The following ODAD3 variants were observed in gnomAD, a reference collection of about 807,000 sequenced individuals.
ODAD3 encodes outer dynein arm docking complex subunit 3.
ODAD3 carries 57 observed loss-of-function variants against 70.9 expected under a neutral mutation model. The observed-to-expected ratio is 0.80, with a 90% CI of 0.65 to 1.00. ODAD3 has a LOEUF of 1.00. Ranked by LOEUF, ODAD3 falls within the 50% of genes least tolerant of loss-of-function variation. The pLI, the probability that ODAD3 is intolerant of heterozygous loss-of-function variation, is 0.00. For missense variants in ODAD3, 797 were observed against 763.9 expected, an observed-to-expected ratio of 1.04 and a Z score of -0.51; for synonymous variants, 327 against 315.9, an observed-to-expected ratio of 1.04 and a Z score of -0.37.
chr19:11,427,086 C>T (rs1325207998), intron 3 of ODAD3, 46 bp from the exon 4 acceptor site: 1 of 1,497,766 alleles, frequency 6.7e-7, no homozygotes, highest in South Asian at 1.3e-5. Context: ...ACACCCTACC[C>T]CGACACACAC....
In ODAD3 at chr19:11,425,189, A is replaced by T. The variant is rs570025357; in HGVS notation, c.963+955T>A. ...TGTGTATATGTACATATGTGTATAT[A>T]TACATATGTGTATGTGTACATATGT... On this transcript the variant is annotated intron_variant, in intron 7 of 12. Coordinates refer to ENST00000356392, the MANE Select transcript of ODAD3 (RefSeq NM_145045.5). 1.8e-5 allele frequency among the ~76,000 whole-genome samples: 2 copies of T among 110,936 alleles called. 1 individual carries two copies. The highest frequency in any genetic ancestry group is 1.2e-4 in the African/African-American group (2 of 16,074). The allele number at this position is 110,936 out of a possible 152,430, so 72.8% of individuals were successfully genotyped here.
chr19:11,425,098 T>TATATGTGTATATGTAC, intron 7 of ODAD3, among the ~76,000 whole-genome samples: 1 of 133,064 alleles, frequency 7.5e-6, no homozygotes, highest in South Asian at 2.3e-4. Context: ...CATATGTGTA[T>TATATGTGTATATGTAC]ATATGTATAT....
At chr19:11,432,792 G>T (rs1425116275) in intron 1 of ODAD3, among the ~76,000 whole-genome samples, 2 of 151,724 alleles carry the variant, frequency 1.3e-5, no homozygotes, top group Non-Finnish European at 2.9e-5. Flanking sequence ...AACCATGCAA[G>T]ATTACCCTTT....
chr19:11,428,652 G>A (rs1321619349), intron 3 of ODAD3, among the ~76,000 whole-genome samples: 1 of 152,110 alleles, frequency 6.6e-6, no homozygotes, highest in African/African-American at 2.4e-5. Flanking sequence ...CAGTTCAGGT[G>A]ATCCTCCCAC....
intron 7 of ODAD3, among the ~76,000 whole-genome samples, chr19:11,425,323 A>C (rs867361632): frequency 7.7e-6 from 1 of 129,678 alleles, no homozygotes; most frequent in Admixed American, 7.5e-5. Flanking sequence ...ATATGTGTAT[A>C]TGTACATATG....
At chr19:11,433,122 A>C (rs1477321651) in intron 1 of ODAD3, among the ~76,000 whole-genome samples, 1 of 152,194 alleles carries the variant, frequency 6.6e-6, no homozygotes, top group Non-Finnish European at 1.5e-5. Context: ...TATCAACAAA[A>C]GCAATAATAA....
At chr19:11,429,233 CAG>C (rs1207563409) in intron 3 of ODAD3, among the ~76,000 whole-genome samples, 1 of 151,150 alleles carries the variant, frequency 6.6e-6, no homozygotes, top group Admixed American at 6.6e-5. Context: ...TTTTTTGAGA[CAG>C]AGTCTCGCTC....
chr19:11,422,250 T>C lies in ODAD3; in HGVS notation c.1434+221A>G, dbSNP rs1969155058. On this transcript the variant is annotated intron_variant, in intron 10 of 12. Transcript: ENST00000356392. This position sits in a 1 kb window ranked among gnomAD's most constrained non-coding sequence, Gnocchi z 4.6. The stretch of plus-strand genomic sequence containing the variant: ...AGACGGGACAGGGTCTCTGACGTCT[T>C]GGGCTTCCTTGGGGAGTGAGAGCTT... 1.3e-5 allele frequency among the ~76,000 whole-genome samples: 2 copies of C among 150,232 alleles called. No individual in the cohort carries two copies. Among genetic ancestry groups the C allele is most frequent in the East Asian group, 2.0e-4 (1 of 4,964 alleles).
At position 11,421,694 on chromosome 19, in the gene ODAD3, G is replaced by C. The variant is rs757642892; in HGVS notation, c.1573C>G (p.His525Asp). 2 of 1,612,828 alleles carry C rather than the reference G, an allele frequency of 1.2e-6. No individual in the cohort carries two copies. The highest frequency in any genetic ancestry group is 1.7e-5 in the Admixed American group (1 of 59,976). ...CAGGGCACCTCGCGGTTAGCGATGT[G>C]GCACAGCATCTCCTGCACGTCGTGG... ...QGHDVQEMLC[H>D]IANREFLASL... Residue 525 changes from histidine to aspartate, a missense_variant, in exon 11 of 13, where the codon CAC (histidine) becomes GAC (aspartate). Coordinates refer to ENST00000356392, the MANE Select transcript of ODAD3 (RefSeq NM_145045.5).
chr19:11,426,620 G>A (rs1404495827), intron 5 of ODAD3, 49 bp from the exon 6 acceptor site: 1 of 1,613,356 alleles, frequency 6.2e-7, no homozygotes, highest in South Asian at 1.1e-5. Flanking sequence ...GTCTGTGACT[G>A]CTGTCCCTAG....
intron 7 of ODAD3, among the ~76,000 whole-genome samples, chr19:11,425,546 T>G (rs1370402511): frequency 8.1e-6 from 1 of 122,774 alleles, no homozygotes; most frequent in South Asian, 2.3e-4. Flanking sequence ...TGTGTATGTA[T>G]GTATATATGT....
intron 8 of ODAD3, 140 bp downstream of exon 8, chr19:11,423,737 A>C: frequency 1.2e-6 from 1 of 804,408 alleles, no homozygotes; most frequent in Non-Finnish European, 1.9e-6. Context: ...TTTTTCAAGA[A>C]AGGAGCAGGT....
At chr19:11,425,463 GTATATA>G (rs1167658538) in intron 7 of ODAD3, among the ~76,000 whole-genome samples, 26 of 118,226 alleles carry the variant, frequency 2.2e-4, no homozygotes, top group African/African-American at 3.2e-4. Context: ...ATATGTGTGT[GTATATA>G]TGTATATATG....
At position 11,425,236 on chromosome 19, in the gene ODAD3, CATATGTGTAT is replaced by C. The variant is rs1599458291; in HGVS notation, c.963+898_963+907del. ...ATGTGTATATATGTGTGTATATGTA[CATATGTGTAT>C]ATATGTATATGTACATATGTGTATA... is the stretch of plus-strand genomic sequence containing the variant. On this transcript the variant is annotated intron_variant, in intron 7 of 12. Transcript: ENST00000356392. Among the ~76,000 whole-genome samples, 6 of 115,632 alleles carry C rather than the reference CATATGTGTAT, an allele frequency of 5.2e-5. No individual in the cohort carries two copies. In the South Asian group the frequency reaches 1.4e-3, roughly 27 times the overall value. The allele number at this position is 115,632 out of a possible 152,430, so 75.9% of individuals were successfully genotyped here.
intron 1 of ODAD3, chr19:11,431,271 C>T (rs1362726773): frequency 2.2e-6 from 1 of 451,288 alleles, no homozygotes; most frequent in Admixed American, 3.8e-5. Flanking sequence ...ACCACCACAC[C>T]TGGCTAATTT....
In ODAD3 at chr19:11,422,920, C is replaced by T. The variant is rs569251159; in HGVS notation, c.1117-59G>A. 14 of 1,554,064 alleles carry T rather than the reference C, an allele frequency of 9.0e-6. No homozygotes were observed. The highest frequency in any genetic ancestry group is 8.1e-5 in the African/African-American group (6 of 73,992). ...CCTAGGGAGCGTAGGGGCGCTCCAC[C>T]TCCTCTCCCCCACCCTGCGAACCCT... On this transcript the variant is annotated intron_variant, in intron 8 of 12. Transcript: ENST00000356392. The surrounding 1 kb of genome is among the most constrained non-coding windows in gnomAD (Gnocchi z 4.6).
intron 3 of ODAD3, among the ~76,000 whole-genome samples, chr19:11,429,431 G>C (rs539089261): frequency 1.3e-5 from 2 of 151,518 alleles, no homozygotes. Context: ...TTATTTTTGA[G>C]ACAGAGTCTC....
In ODAD3 at chr19:11,422,641, G is replaced by T. The variant is rs1250297554; in HGVS notation, c.1278-14C>A. On this transcript the variant is annotated splice_polypyrimidine_tract_variant and intron_variant, in intron 9 of 12. Transcript: ENST00000356392. This position sits in a 1 kb window ranked among gnomAD's most constrained non-coding sequence, Gnocchi z 4.6. ...AGTTTCTGCTGGCTGCAGGGAGCCG[G>T]GAGGTCACCCCGGGGGCTCAGCCCG... 1.9e-6 allele frequency: 3 copies of T among 1,604,280 alleles called. No homozygotes were observed. The highest frequency in any genetic ancestry group is 2.5e-6 in the Non-Finnish European group (3 of 1,176,724).
chr19:11,422,816 A>G lies in ODAD3; in HGVS notation c.1162T>C (p.Leu388=). The G allele has an allele frequency of 1.2e-6, 2 of 1,608,120 alleles. No individual in the cohort carries two copies. Among genetic ancestry groups the G allele is most frequent in the Non-Finnish European group, 1.7e-6 (2 of 1,179,860 alleles). ...FLAQGDTFAQ[L]ETLKSENEQT... ...TCGTTCTCGCTCTTGAGCGTCTCCA[A>G]CTGCGCGAAGGTGTCGCCCTGGGCC... is the stretch of plus-strand genomic sequence containing the variant. Residue 388 remains leucine (L), a synonymous_variant, in exon 9 of 13, where the codon TTG becomes CTG. Coordinates refer to ENST00000356392, the MANE Select transcript of ODAD3 (RefSeq NM_145045.5). This position sits in a 1 kb window ranked among gnomAD's most constrained non-coding sequence, Gnocchi z 4.6.
Sources: allele counts gnomAD v4.1 joint callset (sites outside exome capture counted in the v4.1 genomes callset), GRCh38; gene constraint gnomAD v4.1.1; non-coding constraint Gnocchi (gnomAD v3.1); transcripts MANE v1.5; gene names NCBI Gene and HGNC (gene_info 2026-07-23, HGNC 2026-07-21).